Variants in SHANK2 observed in about 807,000 individuals in gnomAD.
SHANK2 encodes SH3 and multiple ankyrin repeat domains 2.
SHANK2 carries 43 observed loss-of-function variants against 133.7 expected under a neutral mutation model. The ratio of observed to expected loss-of-function variants is 0.32; its 90% CI spans 0.25 to 0.41. The LOEUF is 0.41. SHANK2 is among the 10% of genes least tolerant of loss of function. SHANK2 has a pLI of 1.00. For synonymous variants in SHANK2, 1,017 were observed against 952.8 expected, an observed-to-expected ratio of 1.07 and a Z score of -1.24; for missense variants, 1,994 against 2,235.8, an observed-to-expected ratio of 0.89 and a Z score of 2.18.
At chr11:71,112,877 T>C (rs1232248330) in intron 5 of SHANK2, among the ~76,000 whole-genome samples, 1 of 152,100 alleles carries the variant, frequency 6.6e-6, no homozygotes, top group Non-Finnish European at 1.5e-5. Context: ...TCACCTGCAG[T>C]CTAACTTCAG....
rs1200627438 is a variant in SHANK2 at position 70,479,113 on chromosome 11, CG to C, written c.4980-5675del. On this transcript the variant is annotated intron_variant, in intron 25 of 25. Coordinates refer to ENST00000601538, the MANE Select transcript of SHANK2 (RefSeq NM_012309.5). This position sits in a 1 kb window ranked among gnomAD's most constrained non-coding sequence, Gnocchi z 4.4. ...GCCCAACGCCCGCAAGTACCAGCCC[CG>C]ATGGACGCACATCCTGACTAGTGCT... Among the ~76,000 whole-genome samples, 1 of 152,196 alleles carries C rather than the reference CG, an allele frequency of 6.6e-6. No individual in the cohort carries two copies. Among genetic ancestry groups the C allele is most frequent in the Admixed American group, 6.5e-5 (1 of 15,278 alleles).
chr11:70,808,124 C>A (rs187064399), intron 12 of SHANK2, among the ~76,000 whole-genome samples: 1 of 152,118 alleles, frequency 6.6e-6, no homozygotes, highest in Non-Finnish European at 1.5e-5. Context: ...TTCCACTGAA[C>A]GCCACTGAAC....
intron 10 of SHANK2, among the ~76,000 whole-genome samples, chr11:70,898,026 G>A (rs1370804192): frequency 6.8e-6 from 1 of 147,432 alleles, no homozygotes. Flanking sequence ...GCAGTGATGT[G>A]ATCTTGGCTC....
At chr11:70,556,992 G>A (rs1307705734) in intron 17 of SHANK2, among the ~76,000 whole-genome samples, 1 of 152,132 alleles carries the variant, frequency 6.6e-6, no homozygotes, top group Non-Finnish European at 1.5e-5. Flanking sequence ...CCAAGGTGCT[G>A]GGATTATAGG....
At chr11:70,763,909 C>T (rs782299257) in intron 14 of SHANK2, among the ~76,000 whole-genome samples, 10 of 152,224 alleles carry the variant, frequency 6.6e-5, no homozygotes, top group Middle Eastern at 3.4e-3. Flanking sequence ...ACTATTAAAC[C>T]GCTTTTTAAA....
intron 17 of SHANK2, among the ~76,000 whole-genome samples, chr11:70,632,944 T>C (rs1378984861): frequency 6.6e-6 from 1 of 151,938 alleles, no homozygotes; most frequent in Non-Finnish European, 1.5e-5. Context: ...GTGAGCCCCT[T>C]GCATGGAGCG....
chr11:70,660,585 A>G (rs1203367081), intron 16 of SHANK2, among the ~76,000 whole-genome samples: 2 of 151,452 alleles, frequency 1.3e-5, no homozygotes, highest in African/African-American at 4.8e-5. Flanking sequence ...GGGGCCCCAC[A>G]CAGCTGCCAG....
intron 17 of SHANK2, 120 bp downstream of exon 17, chr11:70,659,708 T>C (rs2061456301): frequency 1.1e-5 from 14 of 1,248,750 alleles, no homozygotes; most frequent in Non-Finnish European, 1.5e-5. Context: ...TGAAAGTTCA[T>C]GGCAGCCTCC....
chr11:70,751,084 C>CAG (rs1422794256), intron 14 of SHANK2, among the ~76,000 whole-genome samples: 11 of 151,766 alleles, frequency 7.2e-5, no homozygotes, highest in African/African-American at 2.4e-4. Context: ...ATATAGAAGA[C>CAG]AGAGGAAACA....
At chr11:70,548,942 G>A (rs782646279) in intron 17 of SHANK2, among the ~76,000 whole-genome samples, 1 of 152,104 alleles carries the variant, frequency 6.6e-6, no homozygotes, top group Non-Finnish European at 1.5e-5. Context: ...GCAGCCACCG[G>A]GAGCAGGAAG....
chr11:71,223,928 A>C (rs1306491064), intron 2 of SHANK2, among the ~76,000 whole-genome samples: 1 of 152,128 alleles, frequency 6.6e-6, no homozygotes, highest in Non-Finnish European at 1.5e-5. Flanking sequence ...GAAATTGCCC[A>C]CAGGGCTCTG....
At chr11:70,852,646 C>T (rs1949104080) in intron 11 of SHANK2, among the ~76,000 whole-genome samples, 1 of 152,222 alleles carries the variant, frequency 6.6e-6, no homozygotes, top group Non-Finnish European at 1.5e-5. Context: ...AGTTCGAGAC[C>T]AGCCTGGCCA....
chr11:71,183,356 G>T (rs1459706808), intron 2 of SHANK2, among the ~76,000 whole-genome samples: 4 of 152,162 alleles, frequency 2.6e-5, no homozygotes, highest in African/African-American at 9.7e-5. Flanking sequence ...AGCAGAGAGG[G>T]GCTCCTATCA....
At chr11:71,207,109 GA>G (rs201226063) in intron 2 of SHANK2, among the ~76,000 whole-genome samples, 4 of 87,634 alleles carry the variant, frequency 4.6e-5, no homozygotes, top group Admixed American at 1.1e-4. Flanking sequence ...GAAAAGAAAA[GA>G]AAAAAAAATC....
intron 2 of SHANK2, among the ~76,000 whole-genome samples, chr11:71,182,894 G>A (rs1953588206): frequency 6.6e-6 from 1 of 152,052 alleles, no homozygotes; most frequent in Non-Finnish European, 1.5e-5. Context: ...ATGCATGCTG[G>A]CATCATCCAT....
At chr11:70,827,688 AAAACACACACAC>A (rs1270812665) in intron 11 of SHANK2, among the ~76,000 whole-genome samples, 8 of 34,870 alleles carry the variant, frequency 2.3e-4, no homozygotes, top group African/African-American at 8.0e-4. Context: ...TCAGAAATTT[AAAACACACACAC>A]ACACACACAC....
Position 70,535,480 on chromosome 11 carries a change from A to G in SHANK2, c.2062-32549T>C, listed in dbSNP as rs2059531996. The stretch of plus-strand genomic sequence containing the variant: ...CATCAGTCCGTCCGTCCATCCATCC[A>G]TCCATCCATCCATCCGTCCGTCCGT... On this transcript the variant is annotated intron_variant, in intron 17 of 25. Coordinates refer to ENST00000601538, the MANE Select transcript of SHANK2 (RefSeq NM_012309.5). The surrounding 1 kb of genome is among the most constrained non-coding windows in gnomAD (Gnocchi z 4.3). Among the ~76,000 whole-genome samples the G allele has an allele frequency of 6.6e-6, 1 of 151,844 alleles. No individual in the cohort carries two copies.
chr11:71,094,856 T>G (rs972074894), intron 6 of SHANK2, among the ~76,000 whole-genome samples, 168 bp from the exon 7 acceptor site: 2 of 152,246 alleles, frequency 1.3e-5, no homozygotes, highest in Admixed American at 1.3e-4. Flanking sequence ...GCGGGCAGCG[T>G]GGCTCAGGCA....
At chr11:70,600,418 C>CAAAAAAAAAAAAAAAAAAAAGAAAAA (rs56103044) in intron 17 of SHANK2, among the ~76,000 whole-genome samples, 1 of 95,464 alleles carries the variant, frequency 1.0e-5, no homozygotes, top group East Asian at 3.0e-4. Context: ...GACTCTGTCT[C>CAAAAAAAAAAAAAAAAAAAAGAAAAA]AAAAAAAAAA....
Sources: allele counts gnomAD v4.1 joint callset (sites outside exome capture counted in the v4.1 genomes callset), GRCh38; gene constraint gnomAD v4.1.1; non-coding constraint Gnocchi (gnomAD v3.1); transcripts MANE v1.5; gene names NCBI Gene and HGNC (gene_info 2026-07-23, HGNC 2026-07-21).